ANKDD1B: variants seen among roughly 807,000 people sequenced by gnomAD.
ANKDD1B encodes ankyrin repeat and death domain-containing protein 1B.
In ANKDD1B, 57 loss-of-function variants were observed where a neutral mutation model predicts 59.7. That is an observed-to-expected ratio of 0.95 (90% CI 0.77 to 1.19). ANKDD1B has a LOEUF of 1.19. Among genes scored for constraint, ANKDD1B ranks in the 50% most tolerant of loss-of-function variants. The probability of loss-of-function intolerance (pLI) is 0.00; values close to 1 mark genes in which losing one functional copy is unlikely to be tolerated. For synonymous variants in ANKDD1B, 216 were observed against 239.5 expected (o/e 0.90, Z 0.91); for missense variants, 602 against 641.9 (o/e 0.94, Z 0.67).
chr5:75,620,993 A>G (rs1863935), intron 3 of ANKDD1B, among the ~76,000 whole-genome samples: 40,980 of 152,132 alleles, frequency 0.27, 5,955 homozygotes, highest in South Asian at 0.43. Context: ...AGGACCAAGT[A>G]GGGGAGGGTA....
At chr5:75,657,999 G>T (rs1191499400) in intron 9 of ANKDD1B, among the ~76,000 whole-genome samples, 1 of 151,556 alleles carries the variant, frequency 6.6e-6, no homozygotes, top group Non-Finnish European at 1.5e-5. Context: ...ATTGCCTGAG[G>T]CCAGGAGTTT....
At chr5:75,670,669 C>T (rs2112043933) in intron 13 of ANKDD1B, among the ~76,000 whole-genome samples, 1 of 152,228 alleles carries the variant, frequency 6.6e-6, no homozygotes, top group African/African-American at 2.4e-5. Flanking sequence ...TGTATTCTTC[C>T]TATGAAAGAG....
intron 9 of ANKDD1B, among the ~76,000 whole-genome samples, chr5:75,657,825 G>A (rs1775014770): frequency 6.6e-6 from 1 of 151,816 alleles, no homozygotes; most frequent in South Asian, 2.1e-4. Flanking sequence ...GAACCCAGGA[G>A]GTGGAGGTTG....
intron 7 of ANKDD1B, among the ~76,000 whole-genome samples, chr5:75,649,528 G>C (rs1774769140): frequency 6.6e-6 from 1 of 152,006 alleles, no homozygotes; most frequent in Non-Finnish European, 1.5e-5. Flanking sequence ...AAGTCTGTAG[G>C]CCCTACACAC....
rs1394278956 is a variant in ANKDD1B, at chr5:75,634,251, G to C, written c.601-647G>C. 2.0e-5 allele frequency among the ~76,000 whole-genome samples: 3 copies of C among 152,134 alleles called. No homozygotes were observed. The East Asian group carries it at 5.8e-4, about 29-fold the overall frequency. Reference sequence around the variant, plus strand: ...TCCATAATCAGAAAATTCTATATTTGAGCTTATCTTCTAAAAAAATCAAAC... The same window carrying C: ...TCCATAATCAGAAAATTCTATATTTCAGCTTATCTTCTAAAAAAATCAAAC... On this transcript the variant is annotated intron_variant, in intron 5 of 13. Coordinates refer to ENST00000601380, the MANE Select transcript of ANKDD1B (RefSeq NM_001276713.2).
intron 7 of ANKDD1B, among the ~76,000 whole-genome samples, chr5:75,642,415 C>T (rs1438229425): frequency 3.4e-5 from 5 of 147,968 alleles, no homozygotes; most frequent in Non-Finnish European, 6.0e-5. Flanking sequence ...CGAAGCAGGG[C>T]GAGGCATTGC....
chr5:75,621,166 G>T (rs780293785), intron 3 of ANKDD1B, among the ~76,000 whole-genome samples: 5 of 152,204 alleles, frequency 3.3e-5, no homozygotes, highest in Admixed American at 6.5e-5. Context: ...CTTGGCTTGG[G>T]GGAGGGGGCA....
chr5:75,620,805 T>C (rs1289190969), intron 3 of ANKDD1B, among the ~76,000 whole-genome samples: 1 of 152,164 alleles, frequency 6.6e-6, no homozygotes, highest in Non-Finnish European at 1.5e-5. Context: ...AGCTCAGGGG[T>C]AAGCCCAGGA....
intron 11 of ANKDD1B, among the ~76,000 whole-genome samples, chr5:75,664,751 C>G (rs1237029190): frequency 6.6e-6 from 1 of 152,134 alleles, no homozygotes; most frequent in African/African-American, 2.4e-5. Context: ...CCTAATGAAT[C>G]TTTAAGACAT....
chr5:75,670,737 A>G (rs1775454699), intron 13 of ANKDD1B, among the ~76,000 whole-genome samples: 1 of 152,222 alleles, frequency 6.6e-6, no homozygotes, highest in Non-Finnish European at 1.5e-5. Context: ...GGCTAAGGGT[A>G]TGTGTTCTGA....
intron 13 of ANKDD1B, among the ~76,000 whole-genome samples, chr5:75,669,854 G>A (rs986524491): frequency 6.6e-6 from 1 of 152,174 alleles, no homozygotes; most frequent in South Asian, 2.1e-4. Context: ...GCCACCTGAG[G>A]TTATTGCTAA....
intron 5 of ANKDD1B, among the ~76,000 whole-genome samples, chr5:75,631,198 C>T (rs1774146012): frequency 6.6e-6 from 1 of 152,122 alleles, no homozygotes; most frequent in Admixed American, 6.5e-5. Flanking sequence ...GCAACAAATG[C>T]CACACTAGGG....
At chr5:75,613,730 G>T (rs1050816776) in intron 1 of ANKDD1B, among the ~76,000 whole-genome samples, 2 of 152,190 alleles carry the variant, frequency 1.3e-5, no homozygotes, top group Admixed American at 6.5e-5. Context: ...AGATTAGTGG[G>T]GAAGAATTTA....
chr5:75,627,289 AT>A (rs921309137), intron 5 of ANKDD1B, among the ~76,000 whole-genome samples: 3 of 151,786 alleles, frequency 2.0e-5, no homozygotes, highest in Admixed American at 6.6e-5. Context: ...CCCACATATA[AT>A]TTTTTTTTAA....
intron 8 of ANKDD1B, among the ~76,000 whole-genome samples, chr5:75,654,059 A>G (rs569536447): frequency 6.6e-6 from 1 of 151,000 alleles, no homozygotes; most frequent in East Asian, 2.0e-4. Flanking sequence ...CCTGAGCAGA[A>G]GAGACCTACA....
intron 12 of ANKDD1B, among the ~76,000 whole-genome samples, 152 bp downstream of exon 12, chr5:75,667,145 A>G (rs966646304): frequency 2.0e-5 from 3 of 152,236 alleles, no homozygotes; most frequent in African/African-American, 7.2e-5. Context: ...GCTTAGGTCC[A>G]CACCAGTGAT....
chr5:75,622,929 G>A (rs1279857823), intron 3 of ANKDD1B, among the ~76,000 whole-genome samples: 1 of 152,160 alleles, frequency 6.6e-6, no homozygotes, highest in African/African-American at 2.4e-5. Context: ...GACTCAAGTT[G>A]ATTGCAGCTT....
At chr5:75,612,319 C>CCCCCCCCGCCCTCCGCCCCGCCCCCG (rs1561428226) in intron 1 of ANKDD1B, among the ~76,000 whole-genome samples, 1 of 32,018 alleles carries the variant, frequency 3.1e-5, no homozygotes, top group African/African-American at 4.7e-4. Flanking sequence ...TCTGCCCCCG[C>CCCCCCCCGCCCTCCGCCCCGCCCCCG]CCCCCCCCGC....
intron 6 of ANKDD1B, chr5:75,635,250 A>T: frequency 5.9e-6 from 2 of 338,140 alleles, no homozygotes; most frequent in South Asian, 1.0e-4. Context: ...TTTTTCCATG[A>T]TCAACTCCAC....
Sources: gnomAD v4.1 joint callset for allele counts (sites outside exome capture counted in the v4.1 genomes callset) on GRCh38, gnomAD v4.1.1 for gene constraint, MANE v1.5 for transcripts, NCBI Gene and HGNC (gene_info 2026-07-23, HGNC 2026-07-21) for gene names.